Variants in GALNT13 observed in about 807,000 individuals in gnomAD.
GALNT13 encodes the protein UDP-GalNAc:polypeptide N-acetylgalactosaminyltransferase 13.
In GALNT13, 28 loss-of-function variants were observed where a neutral mutation model predicts 64.2. The ratio of observed to expected loss-of-function variants is 0.44; its 90% CI spans 0.32 to 0.60. The LOEUF (loss-of-function observed/expected upper bound fraction) is 0.60, where lower values mean the gene tolerates loss of function less well. GALNT13 is among the 20% of genes least tolerant of loss of function. The pLI, the probability that GALNT13 is intolerant of heterozygous loss-of-function variation, is 0.05. For synonymous variants in GALNT13, 214 were observed against 224.6 expected, an observed-to-expected ratio of 0.95 and a Z score of 0.42; for missense variants, 577 against 669.8, an observed-to-expected ratio of 0.86 and a Z score of 1.53.
chr2:154,394,138 A>G (rs549182268), intron 9 of GALNT13, among the ~76,000 whole-genome samples: 5 of 147,274 alleles, frequency 3.4e-5, no homozygotes, highest in Non-Finnish European at 7.5e-5. Context: ...TTTCATTTCA[A>G]TCAGATAACT....
chr2:154,443,420 G>T (rs1283153884), intron 12 of GALNT13, among the ~76,000 whole-genome samples: 1 of 151,950 alleles, frequency 6.6e-6, no homozygotes, highest in Non-Finnish European at 1.5e-5. Flanking sequence ...ATTAACAGAA[G>T]AACTCCTATT....
At chr2:153,289,575 A>G in the GALNT13 span, among the ~76,000 whole-genome samples, 4 of 152,200 alleles carry the variant, frequency 2.6e-5, no homozygotes, top group African/African-American at 7.2e-5. Context: ...ATTTTTGTGT[A>G]TCAGTCCACT....
chr2:153,813,055 A>G, the GALNT13 span, among the ~76,000 whole-genome samples: 1 of 152,132 alleles, frequency 6.6e-6, no homozygotes, highest in African/African-American at 2.4e-5. Context: ...TTTCTTATCA[A>G]TTTTAATAAA....
chr2:153,589,446 C>A, the GALNT13 span, among the ~76,000 whole-genome samples: 1 of 152,174 alleles, frequency 6.6e-6, no homozygotes, highest in Admixed American at 6.5e-5. Flanking sequence ...ACTGTTCCAA[C>A]CTCTGCCCTT....
At chr2:153,674,843 C>A in the GALNT13 span, among the ~76,000 whole-genome samples, 5 of 151,970 alleles carry the variant, frequency 3.3e-5, no homozygotes, top group Admixed American at 3.3e-4. Context: ...AAAACTTACA[C>A]AAATTTACAA....
intron 3 of GALNT13, among the ~76,000 whole-genome samples, chr2:154,082,984 C>A (rs1020863347): frequency 2.0e-5 from 3 of 151,988 alleles, no homozygotes; most frequent in Non-Finnish European, 4.4e-5. Flanking sequence ...GAAGTCTTTG[C>A]ACATGCCTTT....
rs1273429902 is a variant in GALNT13 at position 153,872,227 on chromosome 2, G to A, written c.-253G>A. On this transcript the variant is annotated 5_prime_UTR_variant, in exon 1 of 13. Coordinates refer to ENST00000392825, the MANE Select transcript of GALNT13 (RefSeq NM_052917.4). The stretch of plus-strand genomic sequence containing the variant: ...CACTCGGCGCGGCCGGCCGGCGCCT[G>A]CTGGGCTTGATCTGAGGCTGAATCC... 1 of 151,690 alleles carries A rather than the reference G, an allele frequency of 6.6e-6. No homozygotes were observed. Among genetic ancestry groups the A allele is most frequent in the East Asian group, 2.0e-4 (1 of 5,116 alleles). The allele number at this position is 151,690 out of a possible 1,614,324, so 9.4% of individuals were successfully genotyped here.
the GALNT13 span, among the ~76,000 whole-genome samples, chr2:153,678,156 A>AATATATATAT: frequency 4.8e-3 from 694 of 145,626 alleles, 6 homozygotes; most frequent in Admixed American, 0.017. Flanking sequence ...CCGACAAATG[A>AATATATATAT]ATATATATAT....
chr2:153,209,218 G>A, the GALNT13 span, among the ~76,000 whole-genome samples: 1 of 151,954 alleles, frequency 6.6e-6, no homozygotes, highest in Non-Finnish European at 1.5e-5. Context: ...CTGACCTCAA[G>A]ATCCACCCGC....
At chr2:153,604,200 A>G in the GALNT13 span, among the ~76,000 whole-genome samples, 2 of 152,166 alleles carry the variant, frequency 1.3e-5, no homozygotes, top group Admixed American at 6.6e-5. Context: ...TTCTGGGGCT[A>G]TCACCCTCTG....
intron 3 of GALNT13, among the ~76,000 whole-genome samples, chr2:154,094,227 G>A (rs1392082395): frequency 6.6e-6 from 1 of 151,944 alleles, no homozygotes; most frequent in East Asian, 1.9e-4. Flanking sequence ...GCAGTTTCCA[G>A]GGTAGCAAAG....
At chr2:153,831,050 A>G in the GALNT13 span, among the ~76,000 whole-genome samples, 1 of 152,202 alleles carries the variant, frequency 6.6e-6, no homozygotes, top group African/African-American at 2.4e-5. Context: ...CAATTTAAAG[A>G]CATGATAGAG....
the GALNT13 span, among the ~76,000 whole-genome samples, chr2:153,341,962 C>A: frequency 6.6e-6 from 1 of 152,258 alleles, no homozygotes; most frequent in African/African-American, 2.4e-5. Context: ...CTGTGATAAC[C>A]ACCAGCAGCC....
intron 4 of GALNT13, among the ~76,000 whole-genome samples, chr2:154,149,608 A>G (rs1033809586): frequency 6.6e-6 from 1 of 152,070 alleles, no homozygotes; most frequent in Non-Finnish European, 1.5e-5. Context: ...TTCCTTGAGC[A>G]GTGGTTTATG....
chr2:154,146,884 T>C (rs564297853), intron 4 of GALNT13, among the ~76,000 whole-genome samples: 158 of 152,252 alleles, frequency 1.0e-3, no homozygotes, highest in African/African-American at 3.6e-3. Flanking sequence ...TAAAACGTCA[T>C]ATAAACCCAC....
At chr2:153,104,868 T>A in the GALNT13 span, among the ~76,000 whole-genome samples, 1 of 152,102 alleles carries the variant, frequency 6.6e-6, no homozygotes, top group Admixed American at 6.6e-5. Flanking sequence ...CACTTTAAAC[T>A]GCACTTCCTT....
chr2:153,645,694 G>GA, the GALNT13 span, among the ~76,000 whole-genome samples: 4 of 151,972 alleles, frequency 2.6e-5, no homozygotes, highest in Non-Finnish European at 5.9e-5. Flanking sequence ...AACTGAAATA[G>GA]AAAAAAAGCA....
intron 4 of GALNT13, among the ~76,000 whole-genome samples, chr2:154,161,905 C>T (rs569541557): frequency 6.6e-6 from 1 of 151,882 alleles, no homozygotes; most frequent in Non-Finnish European, 1.5e-5. Flanking sequence ...CTCAGCCACC[C>T]GAGTAGCTGG....
intron 9 of GALNT13, among the ~76,000 whole-genome samples, chr2:154,354,683 T>TC (rs1419721049): frequency 6.6e-6 from 1 of 152,096 alleles, no homozygotes; most frequent in Non-Finnish European, 1.5e-5. Context: ...ACCACCCTTT[T>TC]CCCCATTGTG....
Sources: allele counts gnomAD v4.1 joint callset (sites outside exome capture counted in the v4.1 genomes callset), GRCh38; gene constraint gnomAD v4.1.1; transcripts MANE v1.5; gene names NCBI Gene and HGNC (gene_info 2026-07-23, HGNC 2026-07-21).